Variants in EZH1 observed in about 807,000 individuals in gnomAD.
The protein encoded by EZH1 is enhancer of zeste 1 polycomb repressive complex 2 subunit, also known as histone-lysine N-methyltransferase EZH1.
EZH1 carries 33 observed loss-of-function variants against 100.5 expected under a neutral mutation model. That is an observed-to-expected ratio of 0.33 (90% CI 0.25 to 0.44). The LOEUF (loss-of-function observed/expected upper bound fraction) is 0.44. Among genes scored for constraint, EZH1 ranks in the 20% least tolerant of loss-of-function variants. The pLI is 1.00. For missense variants in EZH1, 475 were observed against 928.4 expected, an observed-to-expected ratio of 0.51 and a Z score of 6.35; for synonymous variants, 272 against 313.8, an observed-to-expected ratio of 0.87 and a Z score of 1.41.
intron 1 of EZH1, among the ~76,000 whole-genome samples, chr17:42,734,389 CATTTTCCTTTTTTCCT>C (rs1293434439): frequency 6.6e-6 from 1 of 152,082 alleles, no homozygotes; most frequent in Non-Finnish European, 1.5e-5. Flanking sequence ...TTTTGGCATT[CATTTTCCTTTTTTCCT>C]ATTTTCCTTT....
intron 1 of EZH1, among the ~76,000 whole-genome samples, chr17:42,740,871 C>T (rs1166289848): frequency 1.3e-5 from 2 of 152,176 alleles, no homozygotes; most frequent in African/African-American, 4.8e-5. Flanking sequence ...TCCAACTACC[C>T]ATTAAGTAAC....
chr17:42,727,806 T>C, intron 3 of EZH1, 43 bp from the exon 4 acceptor site: 3 of 1,313,570 alleles, frequency 2.3e-6, no homozygotes, highest in Non-Finnish European at 3.0e-6. Context: ...TGTTATTTTA[T>C]TAATTAATTA....
chr17:42,711,958 G>C (rs987948414), intron 12 of EZH1, among the ~76,000 whole-genome samples: 4 of 152,138 alleles, frequency 2.6e-5, no homozygotes, highest in African/African-American at 9.7e-5. Context: ...GAAAGACCTG[G>C]GAGTCCCTTC....
chr17:42,713,108 T>G, intron 11 of EZH1, 101 bp downstream of exon 11: 1 of 988,580 alleles, frequency 1.0e-6, no homozygotes, highest in Non-Finnish European at 1.5e-6. Flanking sequence ...AAAGAATTTA[T>G]AATTTTTAAG....
At chr17:42,740,206 C>A (rs2054150911) in intron 1 of EZH1, among the ~76,000 whole-genome samples, 1 of 151,918 alleles carries the variant, frequency 6.6e-6, no homozygotes, top group Non-Finnish European at 1.5e-5. Flanking sequence ...TGCCACCATG[C>A]CTGGCTAATT....
chr17:42,738,510 C>T (rs1378926549), intron 1 of EZH1, among the ~76,000 whole-genome samples: 2 of 147,790 alleles, frequency 1.4e-5, no homozygotes, highest in South Asian at 2.2e-4. Context: ...CGTGAGCCAC[C>T]GTGCCCAGTC....
At chr17:42,708,446 G>C (rs1201975057) in intron 14 of EZH1, among the ~76,000 whole-genome samples, 1 of 152,190 alleles carries the variant, frequency 6.6e-6, no homozygotes, top group Non-Finnish European at 1.5e-5. Flanking sequence ...TTTGAGGTCA[G>C]GAGTTCGAGA....
chr17:42,739,926 G>A (rs1033578523), intron 1 of EZH1, among the ~76,000 whole-genome samples: 1 of 151,680 alleles, frequency 6.6e-6, no homozygotes, highest in African/African-American at 2.4e-5. Flanking sequence ...TGGGATCACA[G>A]GTGCCCACCA....
chr17:42,720,834 T>C (rs111565245), intron 6 of EZH1, among the ~76,000 whole-genome samples: 312 of 152,222 alleles, frequency 2.0e-3, no homozygotes, highest in African/African-American at 7.1e-3. Context: ...TTTTGTATTT[T>C]AGTAGAGACT....
chr17:42,704,858 C>G (rs1052686519), intron 17 of EZH1, among the ~76,000 whole-genome samples, 175 bp from the exon 18 acceptor site: 1 of 152,228 alleles, frequency 6.6e-6, no homozygotes, highest in Non-Finnish European at 1.5e-5. Context: ...CCAGGCCAAC[C>G]AGTTTTAAGG....
At chr17:42,710,664 T>A (rs1196394421) in intron 12 of EZH1, among the ~76,000 whole-genome samples, 5 of 148,602 alleles carry the variant, frequency 3.4e-5, no homozygotes, top group Admixed American at 2.7e-4. Flanking sequence ...GAGGGTCTCA[T>A]ACTCTTGGCC....
chr17:42,706,258 C>T lies in EZH1; in HGVS notation c.1661-73G>A. On this transcript the variant is annotated intron_variant, in intron 15 of 20. Transcript: ENST00000428826. The surrounding 1 kb of genome is among the most constrained non-coding windows in gnomAD (Gnocchi z 4.4). ...TGGGGCTTGTGGTTGACTCAAGGGACAGCAAAGAAGTAAATTTTTTGTGTT... is the reference window on the plus strand; with the variant it reads ...TGGGGCTTGTGGTTGACTCAAGGGATAGCAAAGAAGTAAATTTTTTGTGTT... The T allele has an allele frequency of 7.4e-7, 1 of 1,350,518 alleles. No individual in the cohort carries two copies. Among genetic ancestry groups the T allele is most frequent in the Non-Finnish European group, 9.8e-7 (1 of 1,019,870 alleles). 83.7% of individuals were successfully genotyped at this position (1,350,518 alleles called of 1,614,324 possible). A position where few individuals can be genotyped will look rare whatever the true frequency, so the allele number is the denominator to read the frequency against.
At chr17:42,743,921 AG>A (rs1406144520) in intron 1 of EZH1, among the ~76,000 whole-genome samples, 3 of 152,182 alleles carry the variant, frequency 2.0e-5, no homozygotes, top group Non-Finnish European at 4.4e-5. Flanking sequence ...CTTCAATATC[AG>A]TTTCCTAAAT....
At position 42,710,574 on chromosome 17, in the gene EZH1, A is replaced by G. The variant is rs151131663; in HGVS notation, c.1402-637T>C. 1.4e-3 allele frequency among the ~76,000 whole-genome samples: 215 copies of G among 150,968 alleles called. 1 individual carries two copies. The highest frequency in any genetic ancestry group is 0.01 in the Middle Eastern group (3 of 294). On this transcript the variant is annotated intron_variant, in intron 12 of 20. Transcript: ENST00000428826. ...AGAACCTGTGATCAGGGAAATAGGT[A>G]TGAGCTCCAAAATGAAAGCAAAGGG...
chr17:42,730,427 A>G (rs2053916898), intron 2 of EZH1, among the ~76,000 whole-genome samples: 1 of 151,804 alleles, frequency 6.6e-6, no homozygotes, highest in African/African-American at 2.4e-5. Flanking sequence ...ATAGATAGCA[A>G]TGCAAATCCC....
At chr17:42,735,344 A>T (rs186581802) in intron 1 of EZH1, among the ~76,000 whole-genome samples, 65 of 152,144 alleles carry the variant, frequency 4.3e-4, no homozygotes, top group African/African-American at 1.6e-3. Context: ...GCTGGACCCT[A>T]ACCAACAATT....
Position 42,706,242 on chromosome 17 carries a change from T to G in EZH1, c.1661-57A>C, listed in dbSNP as rs1218296428. 1.3e-6 allele frequency: 2 copies of G among 1,481,814 alleles called. No homozygotes were observed. Among genetic ancestry groups the G allele is most frequent in the Non-Finnish European group, 9.1e-7 (1 of 1,098,982 alleles). The allele number at this position is 1,481,814 out of a possible 1,614,324, so 91.8% of individuals were successfully genotyped here. ...GGAAATAAGCTAATACTGGGGCTTG[T>G]GGTTGACTCAAGGGACAGCAAAGAA... On this transcript the variant is annotated intron_variant, in intron 15 of 20. Coordinates refer to ENST00000428826, the MANE Select transcript of EZH1 (RefSeq NM_001991.5). This position sits in a 1 kb window ranked among gnomAD's most constrained non-coding sequence, Gnocchi z 4.4.
chr17:42,743,171 C>CT (rs543119090), intron 1 of EZH1, among the ~76,000 whole-genome samples: 7,206 of 123,890 alleles, frequency 0.058, 526 homozygotes, highest in African/African-American at 0.16. Flanking sequence ...GCCAGGCCTC[C>CT]TTTTTTTTTT....
chr17:42,732,159 G>A (rs1333085748), intron 1 of EZH1, among the ~76,000 whole-genome samples: 1 of 150,848 alleles, frequency 6.6e-6, no homozygotes, highest in Admixed American at 6.6e-5. Flanking sequence ...AAAAGGAAAA[G>A]AAAAGAAAAA....
Sources: allele counts gnomAD v4.1 joint callset (sites outside exome capture counted in the v4.1 genomes callset), GRCh38; gene constraint gnomAD v4.1.1; non-coding constraint Gnocchi (gnomAD v3.1); transcripts MANE v1.5; gene names NCBI Gene and HGNC (gene_info 2026-07-23, HGNC 2026-07-21).